The following SIGLEC15 variants were observed in gnomAD, a reference collection of about 807,000 sequenced individuals.
The protein encoded by SIGLEC15 is sialic acid-binding Ig-like lectin 15.
A neutral mutation model predicts 26.2 loss-of-function variants in SIGLEC15; 31 were observed. The observed-to-expected ratio is 1.18, with a 90% confidence interval of 0.89 to 1.60. SIGLEC15 has a LOEUF of 1.60. Among genes scored for constraint, SIGLEC15 ranks in the 40% most tolerant of loss-of-function variants. The pLI, the probability that SIGLEC15 is intolerant of heterozygous loss-of-function variation, is 0.00. For synonymous variants in SIGLEC15, 207 were observed against 221.9 expected, an observed-to-expected ratio of 0.93 and a Z score of 0.60; for missense variants, 501 against 488.4, an observed-to-expected ratio of 1.03 and a Z score of -0.24.
At chr18:45,840,855 A>G (rs574458887) in intron 5 of SIGLEC15, 9 of 152,394 alleles carry the variant, frequency 5.9e-5, no homozygotes, top group African/African-American at 1.9e-4. Context: ...TGGTGGCCCC[A>G]CTCATCAGCT....
intron 3 of SIGLEC15, among the ~76,000 whole-genome samples, chr18:45,838,356 C>A (rs935060444): frequency 1.3e-5 from 2 of 152,178 alleles, no homozygotes; most frequent in Non-Finnish European, 2.9e-5. Context: ...GAACCAGGGT[C>A]CCGTCCCTAG....
chr18:45,833,117 G>C (rs2048248531), intron 1 of SIGLEC15, among the ~76,000 whole-genome samples: 1 of 152,044 alleles, frequency 6.6e-6, no homozygotes, highest in Non-Finnish European at 1.5e-5. Context: ...TTCAAAATTG[G>C]CTCTTGTCCT....
rs748907923 is a variant in SIGLEC15, at chr18:45,825,775, C to T, written c.47C>T (p.Pro16Leu). 30 of 1,614,198 alleles carry T rather than the reference C, an allele frequency of 1.9e-5. No homozygotes were observed. The highest frequency in any genetic ancestry group is 2.5e-5 in the Non-Finnish European group (30 of 1,180,022). ...WLLACLAWVL[P>L]TGSFVRTKID... is the part of the protein sequence containing the mutation. The stretch of plus-strand genomic sequence containing the variant: ...CTGGCCTGCTTGGCGTGGGTTCTCC[C>T]GACAGGTGAGTGTCTGCTACTCTCT... Residue 16 changes from proline (P) to leucine (L), a missense_variant, in exon 1 of 6, where the codon CCG becomes CTG. Coordinates refer to ENST00000389474, the MANE Select transcript of SIGLEC15 (RefSeq NM_213602.3).
Position 45,840,059 on chromosome 18 carries a change from A to G in SIGLEC15, c.875-152A>G, listed in dbSNP as rs114239202. On this transcript the variant is annotated intron_variant, in intron 4 of 5. Coordinates refer to ENST00000389474, the MANE Select transcript of SIGLEC15 (RefSeq NM_213602.3). ...CTCACTAACTCCCCAGCAGGGTTCC[A>G]TGGCACAGCTTCACACCCTGCTAGT... is the stretch of plus-strand genomic sequence containing the variant. 1,626 of 758,288 alleles carry G rather than the reference A, an allele frequency of 2.1e-3. 25 individuals are homozygous for G. In the African/African-American group the frequency reaches 0.025, roughly 12 times the overall value. 47.0% of individuals were successfully genotyped at this position (758,288 alleles called of 1,614,324 possible). A position where few individuals can be genotyped will look rare whatever the true frequency, so the allele number is the denominator to read the frequency against.
At chr18:45,838,248 C>T (rs1224452067) in intron 3 of SIGLEC15, among the ~76,000 whole-genome samples, 1 of 152,168 alleles carries the variant, frequency 6.6e-6, no homozygotes, top group East Asian at 1.9e-4. Flanking sequence ...GTGCTACCAG[C>T]CCGGAAAGAC....
At chr18:45,831,889 C>T (rs2048238471) in intron 1 of SIGLEC15, among the ~76,000 whole-genome samples, 1 of 152,154 alleles carries the variant, frequency 6.6e-6, no homozygotes, top group Admixed American at 6.5e-5. Context: ...AGACGTGCAC[C>T]ACTGCGCCCA....
chr18:45,840,459 C>G lies in SIGLEC15; in HGVS notation c.905+218C>G, dbSNP rs1002750734. ...CCAAGCCTCGCTGACCTGCTCCTCC[C>G]CCACGACTCCAGGCTGTGTTTCTTC... On this transcript the variant is annotated intron_variant, in intron 5 of 5. Coordinates refer to ENST00000389474, the MANE Select transcript of SIGLEC15 (RefSeq NM_213602.3). 4.6e-5 allele frequency among the ~76,000 whole-genome samples: 7 copies of G among 152,334 alleles called. No homozygotes were observed. The East Asian group carries it at 1.2e-3, about 25-fold the overall frequency.
intron 1 of SIGLEC15, among the ~76,000 whole-genome samples, chr18:45,834,078 T>C (rs1001899255): frequency 2.0e-5 from 3 of 152,222 alleles, no homozygotes; most frequent in African/African-American, 7.2e-5. Context: ...TTTGCTCTGC[T>C]GTTCCCTTTG....
At chr18:45,828,333 C>T (rs1229160562) in intron 1 of SIGLEC15, among the ~76,000 whole-genome samples, 4 of 152,204 alleles carry the variant, frequency 2.6e-5, no homozygotes, top group Admixed American at 6.5e-5. Context: ...CCCCCATACT[C>T]GACACCCAGT....
chr18:45,828,456 G>C (rs1158637669), intron 1 of SIGLEC15, among the ~76,000 whole-genome samples: 1 of 152,128 alleles, frequency 6.6e-6, no homozygotes, highest in Non-Finnish European at 1.5e-5. Flanking sequence ...CGTGGGGCAG[G>C]GGGAAGAACA....
rs573243030 is a variant in SIGLEC15, at chr18:45,843,243, C to A, written c.*1056C>A. On this transcript the variant is annotated 3_prime_UTR_variant, in exon 6 of 6. Coordinates refer to ENST00000389474, the MANE Select transcript of SIGLEC15 (RefSeq NM_213602.3). ...AGTCCAAACGCACTGGCAACTTCAC[C>A]CCCTTTGCCCTAACGCGGGCAGGCT... 43 of 152,476 alleles carry A rather than the reference C, an allele frequency of 2.8e-4. No individual in the cohort carries two copies. Among genetic ancestry groups the A allele is most frequent in the African/African-American group, 1.0e-3 (42 of 41,592 alleles). The allele number at this position is 152,476 out of a possible 1,614,324, so 9.4% of individuals were successfully genotyped here.
At chr18:45,833,031 A>G (rs2048247762) in intron 1 of SIGLEC15, among the ~76,000 whole-genome samples, 1 of 152,134 alleles carries the variant, frequency 6.6e-6, no homozygotes, top group Non-Finnish European at 1.5e-5. Flanking sequence ...CTGTGTTCCC[A>G]TTCTGCTCCT....
intron 1 of SIGLEC15, among the ~76,000 whole-genome samples, chr18:45,834,108 G>C (rs1020705236): frequency 5.3e-5 from 8 of 152,110 alleles, no homozygotes; most frequent in African/African-American, 1.9e-4. Context: ...CTACCTCAAG[G>C]CTTCGTGCAG....
At position 45,842,508 on chromosome 18, in the gene SIGLEC15, C is replaced by T. The variant is rs907082278; in HGVS notation, c.*321C>T. ...GAAACTTCCAGAAATGTTCCCTTGC[C>T]CTTTCTTACCTAGAACACCTGCTAT... On this transcript the variant is annotated 3_prime_UTR_variant, in exon 6 of 6. Transcript: ENST00000389474. The T allele has an allele frequency of 3.3e-6, 1 of 302,716 alleles. No individual in the cohort carries two copies. Among genetic ancestry groups the T allele is most frequent in the Admixed American group, 4.3e-5 (1 of 23,346 alleles). 18.8% of individuals were successfully genotyped at this position (302,716 alleles called of 1,614,324 possible).
In SIGLEC15 at chr18:45,843,934, T is replaced by C. The variant is rs1431459584; in HGVS notation, c.*1747T>C. 1 of 152,218 alleles carries C rather than the reference T, an allele frequency of 6.6e-6. No homozygotes were observed. The allele number at this position is 152,218 out of a possible 1,614,324, so 9.4% of individuals were successfully genotyped here. On this transcript the variant is annotated 3_prime_UTR_variant, in exon 6 of 6. Transcript: ENST00000389474. The stretch of plus-strand genomic sequence containing the variant: ...TCCAGTAATCCCACTGCTGGGTATC[T>C]GTCAGCAAGGAAATCAGTATATTGA...
At chr18:45,830,609 G>A (rs1286293952) in intron 1 of SIGLEC15, among the ~76,000 whole-genome samples, 5 of 47,098 alleles carry the variant, frequency 1.1e-4, no homozygotes, top group East Asian at 1.1e-3. Context: ...TTTTTGAGAC[G>A]GAGTCTCGCT....
Position 45,837,571 on chromosome 18 carries a change from C to T in SIGLEC15, c.171C>T (p.Gly57=), listed in dbSNP as rs776471731. The T allele has an allele frequency of 1.5e-5, 22 of 1,515,676 alleles. 1 individual carries two copies. In the South Asian group the frequency reaches 2.5e-4, roughly 18 times the overall value. 93.9% of individuals were successfully genotyped at this position (1,515,676 alleles called of 1,614,324 possible). A position where few individuals can be genotyped will look rare whatever the true frequency, so the allele number is the denominator to read the frequency against. Residue 57 remains glycine (G), a synonymous_variant, in exon 3 of 6, where the codon GGC becomes GGT. Coordinates refer to ENST00000389474, the MANE Select transcript of SIGLEC15 (RefSeq NM_213602.3). ...QVPPEVSAEA[G]DAAVLPCTFT... ...CACCCGAGGTGAGCGCGGAGGCAGG[C>T]GACGCGGCAGTGCTGCCCTGCACCT...
At chr18:45,826,463 T>C (rs1157369836) in intron 1 of SIGLEC15, among the ~76,000 whole-genome samples, 4 of 152,150 alleles carry the variant, frequency 2.6e-5, no homozygotes, top group African/African-American at 4.8e-5. Flanking sequence ...ACCTGCAGAA[T>C]CAGAGTATCA....
At chr18:45,826,048 T>C (rs2048182760) in intron 1 of SIGLEC15, among the ~76,000 whole-genome samples, 1 of 152,186 alleles carries the variant, frequency 6.6e-6, no homozygotes, top group African/African-American at 2.4e-5. Context: ...GCCCCACCCA[T>C]TGCTGCGAGC....
Sources: allele counts gnomAD v4.1 joint callset (sites outside exome capture counted in the v4.1 genomes callset), GRCh38; gene constraint gnomAD v4.1.1; transcripts MANE v1.5; gene names NCBI Gene and HGNC (gene_info 2026-07-23, HGNC 2026-07-21).